The following PXDNL variants were observed in gnomAD, a reference collection of about 807,000 sequenced individuals.
PXDNL encodes the protein probable oxidoreductase PXDNL.
PXDNL carries 145 observed loss-of-function variants against 150.8 expected under a neutral mutation model. The observed-to-expected ratio is 0.96, with a 90% CI of 0.84 to 1.10. PXDNL has a LOEUF of 1.10. Ranked by LOEUF, PXDNL falls within the 50% of genes least tolerant of loss-of-function variation. The probability of loss-of-function intolerance (pLI) is 0.00; values close to 1 mark genes in which losing one functional copy is unlikely to be tolerated. For missense variants in PXDNL, 2,087 were observed against 1,873.9 expected (o/e 1.11, Z -2.10); for synonymous variants, 757 against 725.7 (o/e 1.04, Z -0.69).
chr8:51,696,746 TA>T (rs1816144107), intron 1 of PXDNL, among the ~76,000 whole-genome samples: 1 of 30,520 alleles, frequency 3.3e-5, no homozygotes. Flanking sequence ...TCCACACACA[TA>T]CCCACCCACA....
intron 14 of PXDNL, among the ~76,000 whole-genome samples, chr8:51,421,253 T>C (rs1193602380): frequency 1.3e-5 from 2 of 152,174 alleles, no homozygotes; most frequent in Non-Finnish European, 2.9e-5. Flanking sequence ...TCCCAAACTA[T>C]CTCAAGGGCA....
chr8:51,762,312 A>C (rs995865278), intron 1 of PXDNL, among the ~76,000 whole-genome samples: 1 of 152,198 alleles, frequency 6.6e-6, no homozygotes, highest in African/African-American at 2.4e-5. Context: ...TATCCTGCAA[A>C]GTCTCTTGTG....
chr8:51,807,123 A>G (rs754467520), intron 1 of PXDNL, among the ~76,000 whole-genome samples: 2 of 152,136 alleles, frequency 1.3e-5, no homozygotes, highest in Non-Finnish European at 2.9e-5. Flanking sequence ...ACACACTGTG[A>G]TAAAGAAATA....
At chr8:51,639,456 CA>C (rs1814690395) in intron 2 of PXDNL, among the ~76,000 whole-genome samples, 1 of 151,854 alleles carries the variant, frequency 6.6e-6, no homozygotes, top group Non-Finnish European at 1.5e-5. Context: ...AGACCACTAG[CA>C]AGACTAATAA....
In PXDNL at chr8:51,668,176, C is replaced by CTTTTTTTTTTTTTTTTTTTT. The variant is rs71550279; in HGVS notation, c.165-13417_165-13416insAAAAAAAAAAAAAAAAAAAA. ...ATACAAGGCTTCCTTCTCGCTCTCT[C>CTTTTTTTTTTTTTTTTTTTT]TTTTTTTTTTTTTTTTTGAGACAGA... On this transcript the variant is annotated intron_variant, in intron 1 of 22. Coordinates refer to ENST00000356297, the MANE Select transcript of PXDNL (RefSeq NM_144651.5). Among the ~76,000 whole-genome samples the CTTTTTTTTTTTTTTTTTTTT allele has an allele frequency of 2.7e-4, 21 of 77,380 alleles. 3 individuals carry two copies. The highest frequency in any genetic ancestry group is 9.8e-4 in the East Asian group (2 of 2,038). 50.8% of individuals were successfully genotyped at this position (77,380 alleles called of 152,430 possible).
At chr8:51,507,014 C>T (rs1341714502) in intron 4 of PXDNL, among the ~76,000 whole-genome samples, 2 of 152,132 alleles carry the variant, frequency 1.3e-5, no homozygotes, top group Non-Finnish European at 2.9e-5. Flanking sequence ...GACTTAGTGA[C>T]TGCTTGTGTC....
At chr8:51,486,138 C>T (rs886802342) in intron 5 of PXDNL, among the ~76,000 whole-genome samples, 1 of 152,102 alleles carries the variant, frequency 6.6e-6, no homozygotes, top group Non-Finnish European at 1.5e-5. Context: ...AAATTGCATC[C>T]ATGATTGAAT....
chr8:51,503,381 T>C (rs1811225794), intron 4 of PXDNL, among the ~76,000 whole-genome samples: 1 of 131,534 alleles, frequency 7.6e-6, no homozygotes, highest in African/African-American at 2.8e-5. Context: ...TGACAAATTT[T>C]CTAACAAAAT....
At chr8:51,536,737 T>C (rs142734176) in intron 4 of PXDNL, among the ~76,000 whole-genome samples, 3 of 152,280 alleles carry the variant, frequency 2.0e-5, no homozygotes, top group Admixed American at 6.5e-5. Flanking sequence ...CAAACATGAA[T>C]ATTTGCTGCA....
intron 19 of PXDNL, among the ~76,000 whole-genome samples, chr8:51,357,398 C>T (rs1407240674): frequency 1.3e-5 from 2 of 152,252 alleles, no homozygotes; most frequent in Non-Finnish European, 2.9e-5. Flanking sequence ...CACAGCATTC[C>T]CAGAATGACT....
At chr8:51,344,692 G>A (rs1806089508) in intron 20 of PXDNL, among the ~76,000 whole-genome samples, 1 of 152,184 alleles carries the variant, frequency 6.6e-6, no homozygotes, top group Non-Finnish European at 1.5e-5. Context: ...CACTACAACA[G>A]CATGTGTCAT....
chr8:51,715,187 G>A (rs1471347865), intron 1 of PXDNL, among the ~76,000 whole-genome samples: 1 of 152,156 alleles, frequency 6.6e-6, no homozygotes, highest in African/African-American at 2.4e-5. Flanking sequence ...TCAAAAATAA[G>A]TGAAGGACTT....
At chr8:51,611,235 A>G (rs1321721188) in intron 2 of PXDNL, among the ~76,000 whole-genome samples, 2 of 152,234 alleles carry the variant, frequency 1.3e-5, no homozygotes, top group African/African-American at 4.8e-5. Context: ...TGAAAAAACT[A>G]TGTTTTATTT....
intron 14 of PXDNL, among the ~76,000 whole-genome samples, chr8:51,415,281 G>A (rs1162855630): frequency 6.6e-6 from 1 of 152,188 alleles, no homozygotes; most frequent in Non-Finnish European, 1.5e-5. Context: ...TTGCTATAAA[G>A]AACTACCTGA....
At chr8:51,745,410 T>C (rs561879132) in intron 1 of PXDNL, among the ~76,000 whole-genome samples, 12 of 152,332 alleles carry the variant, frequency 7.9e-5, no homozygotes, top group Non-Finnish European at 8.8e-5. Context: ...GTCCAGCCTC[T>C]CTACCTTGCT....
At chr8:51,616,411 T>C (rs1251872881) in intron 2 of PXDNL, among the ~76,000 whole-genome samples, 1 of 152,158 alleles carries the variant, frequency 6.6e-6, no homozygotes, top group Non-Finnish European at 1.5e-5. Context: ...AGATTTTCTT[T>C]GGGCCAAAAA....
At chr8:51,577,795 T>A (rs538038391) in intron 3 of PXDNL, among the ~76,000 whole-genome samples, 237 of 150,512 alleles carry the variant, frequency 1.6e-3, no homozygotes, top group African/African-American at 5.1e-3. Context: ...TAAGACTGAA[T>A]CCTTCCCTCT....
At chr8:51,497,838 C>G (rs1201567044) in intron 5 of PXDNL, among the ~76,000 whole-genome samples, 1 of 152,158 alleles carries the variant, frequency 6.6e-6, no homozygotes, top group African/African-American at 2.4e-5. Context: ...GGGTGGGACT[C>G]TAAACTAGTT....
chr8:51,334,473 A>T (rs1805783226), intron 21 of PXDNL, among the ~76,000 whole-genome samples: 1 of 152,178 alleles, frequency 6.6e-6, no homozygotes, highest in Admixed American at 6.5e-5. Flanking sequence ...CCAAGATCAG[A>T]GCAGAACTAA....
Sources: gnomAD v4.1 joint callset for allele counts (sites outside exome capture counted in the v4.1 genomes callset) on GRCh38, gnomAD v4.1.1 for gene constraint, MANE v1.5 for transcripts, NCBI Gene and HGNC (gene_info 2026-07-23, HGNC 2026-07-21) for gene names.